The following CCDC66 variants were observed in gnomAD, a reference collection of about 807,000 sequenced individuals.
The protein encoded by CCDC66 is coiled-coil domain-containing protein 66.
Under a neutral mutation model 128.3 loss-of-function variants are expected in CCDC66, and 133 were observed. The observed-to-expected ratio is 1.04, with a 90% CI of 0.90 to 1.20. CCDC66 has a LOEUF of 1.20. CCDC66 is among the 50% of genes most tolerant of loss of function. CCDC66 has a pLI of 0.00. For synonymous variants in CCDC66, 387 were observed against 357.0 expected (o/e 1.08, Z -0.95); for missense variants, 1,126 against 1,075.5 (o/e 1.05, Z -0.66).
At chr3:56,580,904 G>T (rs1348944697) in intron 7 of CCDC66, among the ~76,000 whole-genome samples, 2 of 151,662 alleles carry the variant, frequency 1.3e-5, no homozygotes, top group Non-Finnish European at 2.9e-5. Flanking sequence ...TGCTCTTCTT[G>T]AGGAGTATCT....
At chr3:56,615,393 C>G in intron 12 of CCDC66, 121 bp downstream of exon 12, 1 of 911,044 alleles carries the variant, frequency 1.1e-6, no homozygotes. Context: ...TGCAGTGGTG[C>G]CATCACAGCT....
Position 56,597,780 on chromosome 3 carries a change from T to TTTTTTG in CCDC66, c.1404+3757_1404+3758insGTTTTT, listed in dbSNP as rs1285051212. On this transcript the variant is annotated intron_variant, in intron 10 of 17. Transcript: ENST00000394672. ...GGAGTCTAGGTTTTGTTTTGGGGTT[T>TTTTTTG]TTTTTTTTTTTTGAGACAGAGCCTC... Among the ~76,000 whole-genome samples, 4 of 119,156 alleles carry TTTTTTG rather than the reference T, an allele frequency of 3.4e-5. 1 individual carries two copies. Among genetic ancestry groups the TTTTTTG allele is most frequent in the Admixed American group, 2.5e-4 (3 of 11,840 alleles). The allele number at this position is 119,156 out of a possible 152,430, so 78.2% of individuals were successfully genotyped here.
chr3:56,593,437 T>C, intron 8 of CCDC66, 54 bp from the exon 9 acceptor site: 1 of 1,576,928 alleles, frequency 6.3e-7, no homozygotes, highest in Non-Finnish European at 8.7e-7. Context: ...CATTTAGAAT[T>C]ATATATGAGA....
chr3:56,561,048 T>A (rs1480409551), intron 3 of CCDC66: 2 of 426,308 alleles, frequency 4.7e-6, no homozygotes, highest in Non-Finnish European at 9.2e-6. Context: ...AAACTACATA[T>A]AAAAATTGTT....
At chr3:56,566,860 C>G in intron 5 of CCDC66, 90 bp from the exon 6 acceptor site, 1 of 1,465,042 alleles carries the variant, frequency 6.8e-7, no homozygotes, top group Non-Finnish European at 9.4e-7. Flanking sequence ...ATACTTAGAG[C>G]TATTTAAAAG....
chr3:56,575,248 A>C (rs2067196823), intron 7 of CCDC66, among the ~76,000 whole-genome samples: 1 of 151,774 alleles, frequency 6.6e-6, no homozygotes, highest in South Asian at 2.1e-4. Context: ...TCACATCCTC[A>C]CCAACACTTA....
chr3:56,596,613 A>G (rs1255733141), intron 10 of CCDC66, among the ~76,000 whole-genome samples: 1 of 151,840 alleles, frequency 6.6e-6, no homozygotes, highest in Non-Finnish European at 1.5e-5. Flanking sequence ...AGTTCAATGT[A>G]GCCCTATTCG....
chr3:56,584,046 C>T (rs1391177117), intron 7 of CCDC66, among the ~76,000 whole-genome samples: 1 of 123,246 alleles, frequency 8.1e-6, no homozygotes, highest in Non-Finnish European at 1.8e-5. Context: ...CCGGACGGGG[C>T]GGCTGGCCGG....
At chr3:56,598,209 C>A (rs569743727) in intron 10 of CCDC66, among the ~76,000 whole-genome samples, 4 of 151,804 alleles carry the variant, frequency 2.6e-5, no homozygotes, top group Non-Finnish European at 5.9e-5. Flanking sequence ...CTAGGCTGGA[C>A]TTCAGTGGCA....
Position 56,617,444 on chromosome 3 carries a change from C to T in CCDC66, c.2176C>T (p.Gln726Ter). 6.2e-7 allele frequency: 1 copy of T among 1,613,678 alleles called. No homozygotes were observed. ...SEKYPKQLQK[Q>*]REEKKVRRQM... ...AAAGTACCCTAAACAGCTTCAAAAG[C>T]AGAGAGAAGAAAAAAAAGTAAGGAG... The change falls in exon 14 of 18, where the codon CAG becomes TAG. Residue 726 changes from glutamine (Q) to a stop codon, truncating the protein, a stop_gained. Transcript: ENST00000394672. LOFTEE classifies it high-confidence loss of function.
intron 7 of CCDC66, among the ~76,000 whole-genome samples, chr3:56,578,936 G>T (rs370050835): frequency 1.6e-4 from 24 of 151,956 alleles, no homozygotes; most frequent in African/African-American, 5.8e-4. Context: ...AAATGAGTTA[G>T]GGAGGATTCC....
At chr3:56,618,041 C>T in intron 14 of CCDC66, 131 bp from the exon 15 acceptor site, 1 of 744,732 alleles carries the variant, frequency 1.3e-6, no homozygotes, top group Non-Finnish European at 2.3e-6. Flanking sequence ...TATATCTATT[C>T]CATTGCTCAG....
intron 7 of CCDC66, among the ~76,000 whole-genome samples, chr3:56,589,936 CTGGTTCCAGAGGGAA>C (rs1256977274): frequency 1.3e-5 from 2 of 152,142 alleles, no homozygotes; most frequent in African/African-American, 2.4e-5. Flanking sequence ...TATGGGCCCT[CTGGTTCCAGAGGGAA>C]TTTAATTAAT....
chr3:56,607,815 G>T (rs902497865), intron 10 of CCDC66, among the ~76,000 whole-genome samples: 1 of 152,106 alleles, frequency 6.6e-6, no homozygotes, highest in Non-Finnish European at 1.5e-5. Flanking sequence ...TATGTCCCTT[G>T]TATGCTGATT....
At chr3:56,564,205 TA>T in intron 4 of CCDC66, 80 bp downstream of exon 4, 1 of 1,021,050 alleles carries the variant, frequency 9.8e-7, no homozygotes, top group Non-Finnish European at 1.4e-6. Flanking sequence ...GGGTTTTATG[TA>T]ACTGTGACTC....
At chr3:56,617,722 C>T (rs2075696255) in intron 14 of CCDC66, 117 bp downstream of exon 14, 1 of 1,269,368 alleles carries the variant, frequency 7.9e-7, no homozygotes, top group Non-Finnish European at 1.1e-6. Flanking sequence ...TAGGGATCAG[C>T]AAACTATATC....
Position 56,617,186 on chromosome 3 carries a change from T to C in CCDC66, c.1918T>C (p.Cys640Arg), listed in dbSNP as rs1394683286. Reference protein sequence around the residue: ...GSLMERDITNCSSPEISAELI... With the variant: ...GSLMERDITNRSSPEISAELI... ...ATTAATGGAGAGGGACATCACAAAT[T>C]GTTCATCTCCTGAGATTTCGGCAGA... Residue 640 changes from cysteine (C) to arginine (R), a missense_variant, in exon 14 of 18, where the codon TGT becomes CGT. Cys to Arg is a radical substitution (Grantham distance 180, BLOSUM62 -3). Transcript: ENST00000394672. 8.7e-6 allele frequency: 14 copies of C among 1,612,970 alleles called. No individual in the cohort carries two copies. Among genetic ancestry groups the C allele is most frequent in the East Asian group, 6.7e-5 (3 of 44,840 alleles).
chr3:56,618,558 G>C, intron 15 of CCDC66: 1 of 226,832 alleles, frequency 4.4e-6, no homozygotes, highest in Non-Finnish European at 8.6e-6. Context: ...GACTGATAAG[G>C]ACAATGAGAA....
Position 56,563,786 on chromosome 3 carries a change from C to A in CCDC66, c.205C>A (p.Gln69Lys). The A allele has an allele frequency of 6.4e-7, 1 of 1,551,822 alleles. No individual in the cohort carries two copies. Among genetic ancestry groups the A allele is most frequent in the Non-Finnish European group, 8.7e-7 (1 of 1,146,994 alleles). ...DTCIGSEKLL[Q>K]KKPVGSETSQ... ...TTGTATTGGGAGTGAAAAACTTTTG[C>A]AAAAGAAGCCAGTTGGTTCAGAAAC... is the stretch of plus-strand genomic sequence containing the variant. Residue 69 changes from glutamine (Q) to lysine (K), a missense_variant, in exon 4 of 18, where the codon CAA becomes AAA. By Grantham distance (53) the Gln-to-Lys change is moderately conservative (BLOSUM62 1). Coordinates refer to ENST00000394672, the MANE Select transcript of CCDC66 (RefSeq NM_001141947.3).
Sources: allele counts gnomAD v4.1 joint callset (sites outside exome capture counted in the v4.1 genomes callset), GRCh38; gene constraint gnomAD v4.1.1; transcripts MANE v1.5; gene names NCBI Gene and HGNC (gene_info 2026-07-23, HGNC 2026-07-21).